LRAT: variants seen among roughly 807,000 people sequenced by gnomAD.
LRAT encodes lecithin retinol acyltransferase (phosphatidylcholine--retinol O-acyltransferase).
LRAT carries 11 observed loss-of-function variants against 14.2 expected under a neutral mutation model. That is an observed-to-expected ratio of 0.78 (90% CI 0.49 to 1.29). The LOEUF is 1.29. Among genes scored for constraint, LRAT ranks in the 50% most tolerant of loss-of-function variants. LRAT has a pLI of 0.00. For synonymous variants in LRAT, 144 were observed against 124.8 expected, an observed-to-expected ratio of 1.15 and a Z score of -1.03; for missense variants, 274 against 292.4, an observed-to-expected ratio of 0.94 and a Z score of 0.46.
rs774094960 is a variant in LRAT at position 154,749,180 on chromosome 4, G to A, written c.*44G>A. Reference sequence around the variant, plus strand: ...GTGTGTGTATTCTGTATGTAAATATGTTTATATTTATAGAGCATCAATCAA... The same window carrying A: ...GTGTGTGTATTCTGTATGTAAATATATTTATATTTATAGAGCATCAATCAA... On this transcript the variant is annotated 3_prime_UTR_variant, in exon 3 of 3. Coordinates refer to ENST00000336356, the MANE Select transcript of LRAT (RefSeq NM_004744.5). 7.7e-6 allele frequency: 12 copies of A among 1,562,060 alleles called. No homozygotes were observed. The highest frequency in any genetic ancestry group is 1.7e-4 in the Middle Eastern group (1 of 5,986).
chr4:154,742,522 C>T (rs1732786481), upstream of LRAT, among the ~76,000 whole-genome samples: 1 of 152,216 alleles, frequency 6.6e-6, no homozygotes, highest in African/African-American at 2.4e-5. Context: ...CCATCATCCG[C>T]AGAGTACCCT....
Position 154,744,740 on chromosome 4 carries a change from C to G in LRAT, c.414C>G (p.Asn138Lys), listed in dbSNP as rs372344739. 6.8e-6 allele frequency: 11 copies of G among 1,614,196 alleles called. No homozygotes were observed. The South Asian group carries it at 9.9e-5, about 14-fold the overall frequency. The change falls in exon 2 of 3, where the codon AAC becomes AAG. Residue 138 changes from asparagine to lysine, a missense_variant. Asn to Lys is a moderately conservative substitution (Grantham distance 94). Coordinates refer to ENST00000336356, the MANE Select transcript of LRAT (RefSeq NM_004744.5). ...CCCTCCAGAAAAAGGCACTGCTCAACGAGGAGGTGGCGCGGAGGGCTGAAA... is the reference window on the plus strand; with the variant it reads ...CCCTCCAGAAAAAGGCACTGCTCAAGGAGGAGGTGGCGCGGAGGGCTGAAA... ...DESLQKKALL[N>K]EEVARRAEKL... is the part of the protein sequence containing the mutation.
In LRAT at chr4:154,749,374, G is replaced by T. The variant is rs533747915; in HGVS notation, c.*238G>T. On this transcript the variant is annotated 3_prime_UTR_variant, in exon 3 of 3. Coordinates refer to ENST00000336356, the MANE Select transcript of LRAT (RefSeq NM_004744.5). The stretch of plus-strand genomic sequence containing the variant: ...ATCCAAACCTTGGAAATACGACAGG[G>T]TGTGGTAGAATTCAGCAATATGAGA... 9.9e-6 allele frequency: 5 copies of T among 502,958 alleles called. No homozygotes were observed. In the East Asian group the frequency reaches 1.1e-4, roughly 11 times the overall value. The allele number at this position is 502,958 out of a possible 1,614,324, so 31.2% of individuals were successfully genotyped here. A position where few individuals can be genotyped will look rare whatever the true frequency, so the allele number is the denominator to read the frequency against.
At chr4:154,748,027 T>C (rs1732917047) in intron 2 of LRAT, among the ~76,000 whole-genome samples, 1 of 152,088 alleles carries the variant, frequency 6.6e-6, no homozygotes, top group Non-Finnish European at 1.5e-5. Flanking sequence ...GAACATAAAA[T>C]GCCATGTCTA....
At chr4:154,748,759 T>C (rs1179086630) in intron 2 of LRAT, among the ~76,000 whole-genome samples, 1 of 152,168 alleles carries the variant, frequency 6.6e-6, no homozygotes, top group Non-Finnish European at 1.5e-5. Context: ...TGTATTTACA[T>C]AGGCAACTGC....
intron 2 of LRAT, among the ~76,000 whole-genome samples, chr4:154,748,605 T>C (rs2111037701): frequency 6.6e-6 from 1 of 152,250 alleles, no homozygotes; most frequent in African/African-American, 2.4e-5. Context: ...GGCCAAATTC[T>C]ATTATTTTTA....
chr4:154,741,653 G>A (rs1732770092), upstream of LRAT, among the ~76,000 whole-genome samples: 1 of 152,168 alleles, frequency 6.6e-6, no homozygotes, highest in Admixed American at 6.5e-5. Flanking sequence ...CGGCCAGAAA[G>A]TGGACCCCAC....
Position 154,749,176 on chromosome 4 carries a change from A to G in LRAT, c.*40A>G, listed in dbSNP as rs1360097245. 6.3e-7 allele frequency: 1 copy of G among 1,579,658 alleles called. No homozygotes were observed. The highest frequency in any genetic ancestry group is 1.3e-5 in the African/African-American group (1 of 74,318). On this transcript the variant is annotated 3_prime_UTR_variant, in exon 3 of 3. Coordinates refer to ENST00000336356, the MANE Select transcript of LRAT (RefSeq NM_004744.5). ...GTCAGTGTGTGTATTCTGTATGTAA[A>G]TATGTTTATATTTATAGAGCATCAA...
chr4:154,743,125 A>ACCCCCC (rs59844353), upstream of LRAT, among the ~76,000 whole-genome samples: 9 of 17,830 alleles, frequency 5.0e-4, no homozygotes, highest in Admixed American at 2.1e-3. Flanking sequence ...GACCCCCCCA[A>ACCCCCC]CCCCCCCCCC....
At chr4:154,746,561 C>T (rs566045687) in intron 2 of LRAT, among the ~76,000 whole-genome samples, 35 of 152,212 alleles carry the variant, frequency 2.3e-4, no homozygotes, top group African/African-American at 8.4e-4. Context: ...TTTACAAACA[C>T]GGGCTCCCAA....
At chr4:154,740,910 T>A (rs1458243297), upstream of LRAT, 1 of 152,232 alleles carries the variant, frequency 6.6e-6, no homozygotes, top group Non-Finnish European at 1.5e-5. Context: ...TAGAGGAATT[T>A]CTCCTATCTC....
At chr4:154,740,987 A>G (rs529937909), upstream of LRAT, 4 of 152,276 alleles carry the variant, frequency 2.6e-5, no homozygotes, top group East Asian at 7.7e-4. Context: ...ACCTACAGCT[A>G]TAGTCTTCCC....
rs149562294 is a variant in LRAT, at chr4:154,749,473, G to A, written c.*337G>A. 39 of 207,222 alleles carry A rather than the reference G, an allele frequency of 1.9e-4. No homozygotes were observed. The East Asian group carries it at 4.5e-3, about 24-fold the overall frequency. 12.8% of individuals were successfully genotyped at this position (207,222 alleles called of 1,614,324 possible). A position where few individuals can be genotyped will look rare whatever the true frequency, so the allele number is the denominator to read the frequency against. On this transcript the variant is annotated 3_prime_UTR_variant, in exon 3 of 3. Coordinates refer to ENST00000336356, the MANE Select transcript of LRAT (RefSeq NM_004744.5). ...TTCTCCTGTAATCCTTGTACTGTTC[G>A]GCTGAATTTGAAGATTGGAAGACTT...
rs1330713028 is a variant in LRAT at position 154,746,984 on chromosome 4, A to C, written c.541-2000A>C. On this transcript the variant is annotated intron_variant, in intron 2 of 2. Transcript: ENST00000336356. The stretch of plus-strand genomic sequence containing the variant: ...CTAATTCTACAAACTGTTTTTGAAC[A>C]TGCACTGAGAGAAGTAGGTCATTAA... Among the ~76,000 whole-genome samples the C allele has an allele frequency of 3.3e-5, 5 of 152,320 alleles. No homozygotes were observed. The East Asian group carries it at 9.6e-4, about 29-fold the overall frequency.
rs937609571 is a variant in LRAT, at chr4:154,750,128, A to G, written c.*992A>G. The G allele has an allele frequency of 4.6e-5, 7 of 152,140 alleles. No individual in the cohort carries two copies. The highest frequency in any genetic ancestry group is 1.7e-4 in the African/African-American group (7 of 41,446). 9.4% of individuals were successfully genotyped at this position (152,140 alleles called of 1,614,324 possible). ...TATGTTATTGGATGGGTTGTCTTTTAAAGCATTTACTAATGTACTCTGAAA... is the reference window on the plus strand; with the variant it reads ...TATGTTATTGGATGGGTTGTCTTTTGAAGCATTTACTAATGTACTCTGAAA... On this transcript the variant is annotated 3_prime_UTR_variant, in exon 3 of 3. Transcript: ENST00000336356.
upstream of LRAT, among the ~76,000 whole-genome samples, chr4:154,743,100 G>A (rs1362610375): frequency 6.9e-6 from 1 of 144,286 alleles, no homozygotes; most frequent in East Asian, 2.0e-4. Context: ...CGCAGGGACT[G>A]GACTCGCGGG....
In LRAT at chr4:154,749,001, GATA is replaced by G. The variant is rs758295940; in HGVS notation, c.561_563del (p.Ile189del). ...TTTTCCAGTTTTGTGAGACTGTGAAGATAATTATTCGTGATCAGAGAAGTGTTC... is the reference window on the plus strand; with the variant it reads ...TTTTCCAGTTTTGTGAGACTGTGAAGATTATTCGTGATCAGAGAAGTGTTC... On this transcript the variant is annotated inframe_deletion, in exon 3 of 3. Coordinates refer to ENST00000336356, the MANE Select transcript of LRAT (RefSeq NM_004744.5). The G allele has an allele frequency of 6.2e-7, 1 of 1,613,776 alleles. No homozygotes were observed. Among genetic ancestry groups the G allele is most frequent in the East Asian group, 2.2e-5 (1 of 44,860 alleles).
Position 154,744,337 on chromosome 4 carries a change from C to A in LRAT, c.11C>A (p.Pro4His), listed in dbSNP as rs144471673. MKN[P>H]MLEVVSLLLE... ...CCTCTTCCCTGCAGGATGAAGAACC[C>A]CATGCTGGAGGTGGTGTCTTTACTA... Residue 4 changes from proline to histidine, a missense_variant, in exon 2 of 3, where the codon CCC (proline) becomes CAC (histidine). Physicochemically the swap from Pro to His is moderately conservative, Grantham distance 77. Coordinates refer to ENST00000336356, the MANE Select transcript of LRAT (RefSeq NM_004744.5). 6.2e-7 allele frequency: 1 copy of A among 1,614,144 alleles called. No individual in the cohort carries two copies. Among genetic ancestry groups the A allele is most frequent in the Admixed American group, 1.7e-5 (1 of 60,030 alleles).
upstream of LRAT, among the ~76,000 whole-genome samples, chr4:154,743,789 C>T (rs1467250927): frequency 1.3e-5 from 2 of 152,014 alleles, no homozygotes; most frequent in Non-Finnish European, 2.9e-5. Flanking sequence ...GTAGTGCAAC[C>T]GGGATCCCGC....
Sources: allele counts gnomAD v4.1 joint callset (sites outside exome capture counted in the v4.1 genomes callset), GRCh38; gene constraint gnomAD v4.1.1; transcripts MANE v1.5; gene names NCBI Gene and HGNC (gene_info 2026-07-23, HGNC 2026-07-21).